The following SORCS3 variants were observed in gnomAD, a reference collection of about 807,000 sequenced individuals.
SORCS3 encodes the protein VPS10 domain-containing receptor SorCS3.
In SORCS3, 57 loss-of-function variants were observed where a neutral mutation model predicts 146.3. The ratio of observed to expected loss-of-function variants is 0.39; its 90% confidence interval spans 0.31 to 0.49. SORCS3 has a LOEUF of 0.49. Among genes scored for constraint, SORCS3 ranks in the 20% least tolerant of loss-of-function variants. The pLI is 0.92. For synonymous variants in SORCS3, 653 were observed against 618.5 expected (o/e 1.06, Z -0.83); for missense variants, 1,341 against 1,575.5 (o/e 0.85, Z 2.52).
intron 1 of SORCS3, among the ~76,000 whole-genome samples, chr10:104,752,583 C>T (rs2017001638): frequency 1.3e-5 from 2 of 152,200 alleles, no homozygotes; most frequent in South Asian, 4.1e-4. Context: ...TAGCCTCCCT[C>T]TTCCATTTAT....
At chr10:105,025,352 C>A (rs1163403365) in intron 4 of SORCS3, among the ~76,000 whole-genome samples, 1 of 152,096 alleles carries the variant, frequency 6.6e-6, no homozygotes, top group Non-Finnish European at 1.5e-5. Context: ...TGTGGGCTGT[C>A]CTTTGAGCAA....
intron 4 of SORCS3, among the ~76,000 whole-genome samples, chr10:104,993,117 T>C (rs1022998447): frequency 6.6e-6 from 1 of 152,188 alleles, no homozygotes; most frequent in Non-Finnish European, 1.5e-5. Flanking sequence ...AAGGACATCA[T>C]AGATCTGATG....
intron 4 of SORCS3, among the ~76,000 whole-genome samples, chr10:105,009,086 G>A (rs1217240499): frequency 2.0e-5 from 3 of 152,168 alleles, no homozygotes; most frequent in Non-Finnish European, 4.4e-5. Flanking sequence ...TCAGTCATGT[G>A]CTAAGTGCTT....
In SORCS3 at chr10:105,264,021, G is replaced by A. The variant is rs2056977087; in HGVS notation, c.*647G>A. On this transcript the variant is annotated 3_prime_UTR_variant, in exon 27 of 27. Coordinates refer to ENST00000369701, the MANE Select transcript of SORCS3 (RefSeq NM_014978.3). ...GTTGGCTTACGCACTGGCCCTCAGA[G>A]CTGACCAACCCGCCAGGCCTGCTCA... is the stretch of plus-strand genomic sequence containing the variant. 1 of 152,324 alleles carries A rather than the reference G, an allele frequency of 6.6e-6. No individual in the cohort carries two copies. Among genetic ancestry groups the A allele is most frequent in the African/African-American group, 2.4e-5 (1 of 41,426 alleles). 9.4% of individuals were successfully genotyped at this position (152,324 alleles called of 1,614,324 possible). A position where few individuals can be genotyped will look rare whatever the true frequency, so the allele number is the denominator to read the frequency against.
chr10:105,152,111 G>C (rs1353171921), intron 9 of SORCS3, among the ~76,000 whole-genome samples: 1 of 151,954 alleles, frequency 6.6e-6, no homozygotes, highest in African/African-American at 2.4e-5. Context: ...TCCAACACCC[G>C]CAGTTATACT....
intron 7 of SORCS3, among the ~76,000 whole-genome samples, chr10:105,113,364 A>G (rs2055871652): frequency 6.6e-6 from 1 of 152,194 alleles, no homozygotes; most frequent in Admixed American, 6.5e-5. Context: ...TGTACAGTAT[A>G]TGCATTTGAG....
chr10:105,176,788 G>T (rs1244720954), intron 13 of SORCS3, among the ~76,000 whole-genome samples: 1 of 151,888 alleles, frequency 6.6e-6, no homozygotes, highest in African/African-American at 2.4e-5. Context: ...CTGGGAGGCG[G>T]AGGTTGCAGT....
In SORCS3 at chr10:104,968,689, T is replaced by G. The variant is rs371700485; in HGVS notation, c.796-8646T>G. On this transcript the variant is annotated intron_variant, in intron 3 of 26. Coordinates refer to ENST00000369701, the MANE Select transcript of SORCS3 (RefSeq NM_014978.3). ...CAAAATCACATAAATGCAGAACTCA[T>G]GATATCTAAACAGCCATTGCCACAA... is the stretch of plus-strand genomic sequence containing the variant. Among the ~76,000 whole-genome samples the G allele has an allele frequency of 4.9e-4, 74 of 152,334 alleles. No individual in the cohort carries two copies. The East Asian group carries it at 5.0e-3, about 10-fold the overall frequency.
chr10:104,770,277 A>G (rs1235725655), intron 1 of SORCS3, among the ~76,000 whole-genome samples: 1 of 152,158 alleles, frequency 6.6e-6, no homozygotes. Flanking sequence ...AGGTTTTGGG[A>G]AACCTCATAG....
At chr10:104,751,969 A>ATATATATATATATAT (rs3976798) in intron 1 of SORCS3, among the ~76,000 whole-genome samples, 7 of 123,350 alleles carry the variant, frequency 5.7e-5, no homozygotes, top group Non-Finnish European at 1.0e-4. Context: ...ATATATATAT[A>ATATATATATATATAT]ATAGTTTAGC....
intron 3 of SORCS3, among the ~76,000 whole-genome samples, chr10:104,957,082 A>G (rs1400390040): frequency 6.6e-6 from 1 of 152,164 alleles, no homozygotes; most frequent in Non-Finnish European, 1.5e-5. Context: ...GATCCTTCTC[A>G]GGTACATCAT....
chr10:104,838,857 C>T (rs74802524), intron 1 of SORCS3, among the ~76,000 whole-genome samples: 1,922 of 151,710 alleles, frequency 0.013, 20 homozygotes, highest in Non-Finnish European at 0.02. Context: ...TGGGGGTGGG[C>T]CATGGAATCA....
intron 1 of SORCS3, among the ~76,000 whole-genome samples, chr10:104,720,687 A>G (rs1413660797): frequency 1.9e-4 from 29 of 152,152 alleles, no homozygotes; most frequent in Admixed American, 1.5e-3. Context: ...GTGAGATGGT[A>G]TCTCATTGTG....
In SORCS3 at chr10:105,258,986, T is replaced by C. The variant is rs145008136; in HGVS notation, c.3443+2062T>C. Among the ~76,000 whole-genome samples the C allele has an allele frequency of 4.3e-3, 649 of 152,296 alleles. 4 individuals carry two copies. The highest frequency in any genetic ancestry group is 0.015 in the African/African-American group (634 of 41,552). ...TGAAATTCTGTGGGATTTTCTTTTA[T>C]TTTTTTGGTCTCTTTTCCCCACTCA... On this transcript the variant is annotated intron_variant, in intron 25 of 26. Coordinates refer to ENST00000369701, the MANE Select transcript of SORCS3 (RefSeq NM_014978.3).
At chr10:105,048,629 T>A (rs1020673260) in intron 5 of SORCS3, among the ~76,000 whole-genome samples, 1 of 151,824 alleles carries the variant, frequency 6.6e-6, no homozygotes, top group Middle Eastern at 3.4e-3. Context: ...GGCACATGTA[T>A]ACATATGTAA....
At chr10:104,708,928 G>A (rs1307827364) in intron 1 of SORCS3, among the ~76,000 whole-genome samples, 1 of 152,206 alleles carries the variant, frequency 6.6e-6, no homozygotes, top group Admixed American at 6.5e-5. Context: ...AAGGGAAAGT[G>A]GCAAGAGGGC....
chr10:104,656,888 A>G (rs2015638539), intron 1 of SORCS3, among the ~76,000 whole-genome samples: 1 of 152,136 alleles, frequency 6.6e-6, no homozygotes, highest in Non-Finnish European at 1.5e-5. Flanking sequence ...CTGAAGAAAT[A>G]TTTGGCAGAT....
intron 4 of SORCS3, among the ~76,000 whole-genome samples, chr10:105,014,408 A>T (rs534543057): frequency 4.6e-5 from 7 of 152,178 alleles, no homozygotes; most frequent in Admixed American, 4.6e-4. Flanking sequence ...CATAAGATGA[A>T]TGTATATAAT....
chr10:105,132,820 C>T (rs935774033), intron 7 of SORCS3, among the ~76,000 whole-genome samples: 8 of 152,024 alleles, frequency 5.3e-5, no homozygotes, highest in African/African-American at 1.2e-4. Flanking sequence ...TTTAGCATGA[C>T]GGATGGGCCC....
Sources: gnomAD v4.1 joint callset for allele counts (sites outside exome capture counted in the v4.1 genomes callset) on GRCh38, gnomAD v4.1.1 for gene constraint, MANE v1.5 for transcripts, NCBI Gene and HGNC (gene_info 2026-07-23, HGNC 2026-07-21) for gene names.